CA10: variants seen among roughly 807,000 people sequenced by gnomAD.
The protein encoded by CA10 is carbonic anhydrase 10 (inactive), also known as carbonic anhydrase-related protein 10.
In CA10, 14 loss-of-function variants were observed where a neutral mutation model predicts 44.2. That is an observed-to-expected ratio of 0.32 (90% CI 0.21 to 0.50). The LOEUF is 0.50. CA10 is among the 20% of genes least tolerant of loss of function. The probability of loss-of-function intolerance (pLI) is 0.99; values close to 1 mark genes in which losing one functional copy is unlikely to be tolerated. For missense variants in CA10, 350 were observed against 409.7 expected (o/e 0.85, Z 1.26); for synonymous variants, 159 against 141.6 (o/e 1.12, Z -0.87).
chr17:51,871,225 G>GCTTA (rs1474171859), intron 3 of CA10, among the ~76,000 whole-genome samples: 2 of 148,846 alleles, frequency 1.3e-5, no homozygotes, highest in Non-Finnish European at 3.0e-5. Context: ...TGCCTGGCTT[G>GCTTA]CTTATTTATT....
chr17:51,729,342 TGTG>T (rs1916635833), intron 4 of CA10, among the ~76,000 whole-genome samples: 3 of 151,446 alleles, frequency 2.0e-5, no homozygotes, highest in East Asian at 2.1e-4. Flanking sequence ...AACTTTTTTG[TGTG>T]TGTGTGTGTA....
chr17:52,082,817 G>C (rs1366956440), intron 1 of CA10, among the ~76,000 whole-genome samples: 1 of 152,152 alleles, frequency 6.6e-6, no homozygotes, highest in Non-Finnish European at 1.5e-5. Context: ...TCTAATGAAT[G>C]AATCTGTTCT....
chr17:51,899,151 C>T (rs769588803), intron 3 of CA10, among the ~76,000 whole-genome samples: 71 of 151,782 alleles, frequency 4.7e-4, no homozygotes, highest in Non-Finnish European at 8.7e-4. Flanking sequence ...TAATTTGAGA[C>T]CTTTCTAAAG....
At chr17:51,919,140 C>T (rs556668209) in intron 3 of CA10, among the ~76,000 whole-genome samples, 4 of 152,120 alleles carry the variant, frequency 2.6e-5, no homozygotes, top group Admixed American at 2.0e-4. Flanking sequence ...TATTTCTTTT[C>T]TTTTCTGAGG....
intron 3 of CA10, among the ~76,000 whole-genome samples, chr17:51,872,053 T>G (rs528626666): frequency 1.1e-4 from 17 of 152,276 alleles, no homozygotes; most frequent in African/African-American, 3.6e-4. Flanking sequence ...AGGATTTTTT[T>G]TATTGGTAAA....
At chr17:51,873,353 G>A (rs1301984536) in intron 3 of CA10, among the ~76,000 whole-genome samples, 4 of 151,966 alleles carry the variant, frequency 2.6e-5, no homozygotes, top group Non-Finnish European at 5.9e-5. Flanking sequence ...TCTGAGCCTC[G>A]GTATTTTTCC....
chr17:51,839,343 A>G (rs184500777), intron 3 of CA10, among the ~76,000 whole-genome samples: 2 of 151,842 alleles, frequency 1.3e-5, no homozygotes, highest in South Asian at 2.1e-4. Context: ...ATACAAAAAA[A>G]TTAGCCGGGC....
intron 1 of CA10, among the ~76,000 whole-genome samples, chr17:52,129,379 C>A (rs1035941829): frequency 1.3e-5 from 2 of 152,148 alleles, no homozygotes; most frequent in Non-Finnish European, 2.9e-5. Flanking sequence ...TTATTGAGTG[C>A]AGAATGCTTT....
At chr17:51,767,712 G>A (rs1905439473) in intron 3 of CA10, among the ~76,000 whole-genome samples, 1 of 151,706 alleles carries the variant, frequency 6.6e-6, no homozygotes, top group African/African-American at 2.4e-5. Context: ...TGTAAAAGCA[G>A]TGGGAGCCCC....
chr17:51,973,396 GC>G (rs1480604211), intron 2 of CA10, among the ~76,000 whole-genome samples: 2 of 152,220 alleles, frequency 1.3e-5, no homozygotes, highest in African/African-American at 2.4e-5. Flanking sequence ...AGGACGCTCT[GC>G]AGATAAGGAG....
intron 3 of CA10, among the ~76,000 whole-genome samples, chr17:51,776,262 C>T (rs1261313241): frequency 1.3e-5 from 2 of 152,076 alleles, no homozygotes; most frequent in African/African-American, 4.8e-5. Flanking sequence ...GTAGCCCCAG[C>T]TACTCGGGAG....
intron 2 of CA10, among the ~76,000 whole-genome samples, chr17:51,982,213 T>G (rs886184320): frequency 6.6e-6 from 1 of 152,012 alleles, no homozygotes; most frequent in Non-Finnish European, 1.5e-5. Flanking sequence ...AGAGTGTTTT[T>G]CCTGGTATTT....
At chr17:51,963,183 G>A (rs2144054588) in intron 2 of CA10, among the ~76,000 whole-genome samples, 1 of 152,066 alleles carries the variant, frequency 6.6e-6, no homozygotes, top group East Asian at 1.9e-4. Context: ...TTGAAGACTA[G>A]TCTTTTGAAC....
intron 2 of CA10, among the ~76,000 whole-genome samples, chr17:51,955,450 A>C (rs1264033611): frequency 1.3e-5 from 2 of 152,154 alleles, no homozygotes; most frequent in Non-Finnish European, 2.9e-5. Flanking sequence ...TTCTCCAGGT[A>C]ACTCATGCTT....
In CA10 at chr17:52,108,192, TTTTATATA is replaced by T. The variant is rs1198607600; in HGVS notation, c.62-35807_62-35800del. 3.1e-3 allele frequency among the ~76,000 whole-genome samples: 353 copies of T among 113,124 alleles called. 4 individuals are homozygous for T. Among genetic ancestry groups the T allele is most frequent in the Middle Eastern group, 0.018 (4 of 226 alleles). The allele number at this position is 113,124 out of a possible 152,430, so 74.2% of individuals were successfully genotyped here. The stretch of plus-strand genomic sequence containing the variant: ...TTTAATATATTTTTATATATATATT[TTTTATATA>T]TATATATATATATATATATATATAT... On this transcript the variant is annotated intron_variant, in intron 1 of 8. Transcript: ENST00000451037.
intron 2 of CA10, among the ~76,000 whole-genome samples, chr17:51,966,210 A>C (rs901976066): frequency 1.3e-5 from 2 of 151,902 alleles, no homozygotes; most frequent in Middle Eastern, 3.2e-3. Context: ...ATGAAATCAC[A>C]GATGACACAG....
chr17:52,044,550 C>G (rs1025399766), intron 2 of CA10, among the ~76,000 whole-genome samples: 2 of 152,018 alleles, frequency 1.3e-5, no homozygotes, highest in African/African-American at 4.8e-5. Context: ...GCCCTCCACC[C>G]ACCTCGGCCT....
intron 2 of CA10, among the ~76,000 whole-genome samples, chr17:51,941,005 G>A (rs912733242): frequency 2.0e-5 from 3 of 152,138 alleles, no homozygotes; most frequent in African/African-American, 7.2e-5. Context: ...AAATCAGAAA[G>A]AAGGTAGATT....
chr17:51,845,923 C>T (rs1207732003), intron 3 of CA10, among the ~76,000 whole-genome samples: 2 of 152,208 alleles, frequency 1.3e-5, no homozygotes, highest in African/African-American at 4.8e-5. Context: ...GACATGAATG[C>T]TAACATTGGC....
Sources: allele counts gnomAD v4.1 joint callset (sites outside exome capture counted in the v4.1 genomes callset), GRCh38; gene constraint gnomAD v4.1.1; transcripts MANE v1.5; gene names NCBI Gene and HGNC (gene_info 2026-07-23, HGNC 2026-07-21).